Variants in NDE1 observed in about 807,000 individuals in gnomAD.
NDE1 encodes the protein nuclear distribution protein nudE homolog 1.
Under a neutral mutation model 43.4 loss-of-function variants are expected in NDE1, and 28 were observed. That is an observed-to-expected ratio of 0.65 (90% confidence interval 0.48 to 0.89). The LOEUF (loss-of-function observed/expected upper bound fraction) is 0.89. NDE1 is among the 40% of genes least tolerant of loss of function. NDE1 has a pLI of 0.00. For missense variants in NDE1, 441 were observed against 434.1 expected (o/e 1.02, Z -0.14); for synonymous variants, 184 against 172.0 (o/e 1.07, Z -0.55).
chr16:15,693,252 G>A (rs567038304), intron 6 of NDE1, among the ~76,000 whole-genome samples: 2 of 152,282 alleles, frequency 1.3e-5, no homozygotes, highest in African/African-American at 4.8e-5. Flanking sequence ...TGATCGAACT[G>A]CCTCGGCCTC....
intron 3 of NDE1, among the ~76,000 whole-genome samples, chr16:15,676,628 G>C (rs2037895056): frequency 1.3e-5 from 2 of 152,038 alleles, no homozygotes; most frequent in Admixed American, 1.3e-4. Context: ...CCAAGTTCAT[G>C]CTGCCCTCCC....
At chr16:15,673,149 C>A (rs575631939) in intron 3 of NDE1, among the ~76,000 whole-genome samples, 1 of 151,856 alleles carries the variant, frequency 6.6e-6, no homozygotes, top group Admixed American at 6.6e-5. Flanking sequence ...TTAGACCTTG[C>A]GCCTTTCTTG....
At chr16:15,722,917 T>C (rs1421160539) in intron 8 of NDE1, among the ~76,000 whole-genome samples, 1 of 152,096 alleles carries the variant, frequency 6.6e-6, no homozygotes, top group Non-Finnish European at 1.5e-5. Flanking sequence ...CTAATTTTGG[T>C]ATTTTTAGTA....
intron 1 of NDE1, among the ~76,000 whole-genome samples, chr16:15,655,827 T>TCCCTACAA (rs1468522671): frequency 6.6e-6 from 1 of 151,622 alleles, no homozygotes; most frequent in African/African-American, 2.4e-5. Context: ...ATGTCCTTTG[T>TCCCTACAA]AGGGACATGG....
rs763403240 is a variant in NDE1 at position 15,704,072 on chromosome 16, T to C, written c.947+7212T>C. ...CAGAACCATCTGCATTTTCAATAAC[T>C]CTACGTCCTCCAGACCTTCTAGAAG... On this transcript the variant is annotated intron_variant, in intron 8 of 8. Coordinates refer to ENST00000396354, the MANE Select transcript of NDE1 (RefSeq NM_017668.3). 11 of 1,614,046 alleles carry C rather than the reference T, an allele frequency of 6.8e-6. No homozygotes were observed. The highest frequency in any genetic ancestry group is 9.3e-6 in the Non-Finnish European group (11 of 1,180,026).
chr16:15,675,072 T>C (rs1596583517), intron 3 of NDE1, among the ~76,000 whole-genome samples: 1 of 152,128 alleles, frequency 6.6e-6, no homozygotes, highest in Middle Eastern at 3.4e-3. Context: ...AGACAATGAT[T>C]TGTCTGAAGA....
intron 1 of NDE1, among the ~76,000 whole-genome samples, chr16:15,651,211 T>G (rs949172916): frequency 6.6e-6 from 1 of 152,184 alleles, no homozygotes; most frequent in Non-Finnish European, 1.5e-5. Context: ...TAATTTCTAC[T>G]TTGAGCCTCA....
chr16:15,678,152 G>C (rs1352116740), intron 4 of NDE1, among the ~76,000 whole-genome samples: 2 of 152,200 alleles, frequency 1.3e-5, no homozygotes, highest in African/African-American at 4.8e-5. Flanking sequence ...AAGGCTGGCA[G>C]CCCAGGGTGC....
intron 5 of NDE1, among the ~76,000 whole-genome samples, chr16:15,690,319 T>C (rs566156768): frequency 3.4e-4 from 51 of 148,892 alleles, no homozygotes; most frequent in African/African-American, 9.9e-4. Flanking sequence ...ATTATAGGCT[T>C]GAGCCAGTGC....
At chr16:15,695,490 G>A in intron 7 of NDE1, 1 of 900,026 alleles carries the variant, frequency 1.1e-6, no homozygotes, top group South Asian at 5.4e-5. Context: ...AGTGAGACTT[G>A]GTCTCAAAAA....
At chr16:15,670,977 A>G (rs1484160790) in intron 3 of NDE1, among the ~76,000 whole-genome samples, 2 of 152,184 alleles carry the variant, frequency 1.3e-5, no homozygotes, top group Non-Finnish European at 2.9e-5. Context: ...CACAGAGTGC[A>G]GCTGGCCGTC....
chr16:15,673,454 C>T lies in NDE1; in HGVS notation c.238-4347C>T, dbSNP rs563330830. Reference sequence around the variant, plus strand: ...TCCTGACCTCAAGTGATCTGCCCGCCTTGGCCTCCCAAGTAGCTGGAACTA... The same window carrying T: ...TCCTGACCTCAAGTGATCTGCCCGCTTTGGCCTCCCAAGTAGCTGGAACTA... On this transcript the variant is annotated intron_variant, in intron 3 of 8. Transcript: ENST00000396354. Among the ~76,000 whole-genome samples, 18 of 152,182 alleles carry T rather than the reference C, an allele frequency of 1.2e-4. No individual in the cohort carries two copies. The South Asian group carries it at 1.2e-3, about 11-fold the overall frequency.
chr16:15,650,614 C>T (rs866448840), intron 1 of NDE1, among the ~76,000 whole-genome samples: 1 of 152,254 alleles, frequency 6.6e-6, no homozygotes, highest in African/African-American at 2.4e-5. Context: ...TCTCCCACCC[C>T]GTTGCCCTCT....
At chr16:15,708,810 A>C in intron 8 of NDE1, 1 of 1,608,534 alleles carries the variant, frequency 6.2e-7, no homozygotes, top group Non-Finnish European at 8.5e-7. Flanking sequence ...TACCTGGTGC[A>C]TCACTGCGAA....
chr16:15,706,865 C>T (rs1309124465), intron 8 of NDE1, among the ~76,000 whole-genome samples: 1 of 152,084 alleles, frequency 6.6e-6, no homozygotes, highest in Admixed American at 6.5e-5. Flanking sequence ...TACATTGTGC[C>T]CTGGGCCGTT....
intron 3 of NDE1, among the ~76,000 whole-genome samples, chr16:15,670,209 T>G (rs1371142142): frequency 6.6e-6 from 1 of 152,192 alleles, no homozygotes; most frequent in Admixed American, 6.5e-5. Flanking sequence ...AGCTGCTTCA[T>G]GGAAGAGTCA....
chr16:15,679,876 T>A (rs572604101), intron 4 of NDE1, among the ~76,000 whole-genome samples: 2 of 152,082 alleles, frequency 1.3e-5, no homozygotes, highest in Non-Finnish European at 2.9e-5. Flanking sequence ...CCTCCCAGAT[T>A]CAAGTGATTC....
At chr16:15,719,828 G>T in intron 8 of NDE1, 1 of 1,442,472 alleles carries the variant, frequency 6.9e-7, no homozygotes, top group Non-Finnish European at 9.6e-7. Context: ...CCACAAAGAA[G>T]TTCCCATTGC....
At chr16:15,689,526 A>G (rs1173184350) in intron 5 of NDE1, among the ~76,000 whole-genome samples, 1 of 152,160 alleles carries the variant, frequency 6.6e-6, no homozygotes, top group African/African-American at 2.4e-5. Context: ...ATACCACTGA[A>G]GTGGGGAGAG....
Sources: allele counts gnomAD v4.1 joint callset (sites outside exome capture counted in the v4.1 genomes callset), GRCh38; gene constraint gnomAD v4.1.1; transcripts MANE v1.5; gene names NCBI Gene and HGNC (gene_info 2026-07-23, HGNC 2026-07-21).